The following NCK1 variants were observed in gnomAD, a reference collection of about 807,000 sequenced individuals.
The protein encoded by NCK1 is SH2/SH3 adapter protein NCK1.
NCK1 carries 19 observed loss-of-function variants against 36.6 expected under a neutral mutation model. That is an observed-to-expected ratio of 0.52 (90% CI 0.36 to 0.76). The LOEUF (loss-of-function observed/expected upper bound fraction) is 0.76, where lower values mean the gene tolerates loss of function less well. NCK1 is among the 30% of genes least tolerant of loss of function. The probability of loss-of-function intolerance (pLI) is 0.00; values close to 1 mark genes in which losing one functional copy is unlikely to be tolerated. For synonymous variants in NCK1, 165 were observed against 156.0 expected, an observed-to-expected ratio of 1.06 and a Z score of -0.43; for missense variants, 358 against 445.6, an observed-to-expected ratio of 0.80 and a Z score of 1.77.
intron 2 of NCK1, among the ~76,000 whole-genome samples, chr3:136,931,929 G>C (rs557824140): frequency 7.9e-4 from 121 of 152,202 alleles, no homozygotes; most frequent in African/African-American, 2.9e-3. Context: ...AGACCAGCCT[G>C]GTCAACATGG....
chr3:136,917,305 G>A (rs2108118056), intron 1 of NCK1, among the ~76,000 whole-genome samples: 1 of 148,468 alleles, frequency 6.7e-6, no homozygotes, highest in South Asian at 2.1e-4. Context: ...TCTTCTTCCA[G>A]TATGATCCAG....
intron 1 of NCK1, among the ~76,000 whole-genome samples, chr3:136,881,540 G>A (rs545244482): frequency 6.6e-6 from 1 of 152,154 alleles, no homozygotes; most frequent in South Asian, 2.1e-4. Context: ...GTGGTAAACT[G>A]CATAAGCATA....
chr3:136,931,231 T>G (rs971317698), intron 2 of NCK1, among the ~76,000 whole-genome samples: 1 of 152,156 alleles, frequency 6.6e-6, no homozygotes, highest in African/African-American at 2.4e-5. Flanking sequence ...TAATAATAAT[T>G]TATAAGAGCC....
intron 1 of NCK1, among the ~76,000 whole-genome samples, chr3:136,872,330 C>T (rs986672867): frequency 6.6e-6 from 1 of 152,122 alleles, no homozygotes; most frequent in Admixed American, 6.5e-5. Flanking sequence ...ACATTTTGCC[C>T]CTGCCCTAGA....
intron 2 of NCK1, among the ~76,000 whole-genome samples, chr3:136,941,096 T>C (rs1244989451): frequency 6.7e-6 from 1 of 150,142 alleles, no homozygotes; most frequent in Admixed American, 6.7e-5. Context: ...TATTACTGTC[T>C]TCTTTTGTGA....
chr3:136,870,633 G>A (rs1349951388), intron 1 of NCK1, among the ~76,000 whole-genome samples: 1 of 147,798 alleles, frequency 6.8e-6, no homozygotes, highest in Non-Finnish European at 1.5e-5. Context: ...TAATTCTGCT[G>A]CCCAAGGAAA....
Position 136,865,937 on chromosome 3 carries a change from A to C in NCK1, c.-19+3584A>C, listed in dbSNP as rs561151662. 6.6e-5 allele frequency among the ~76,000 whole-genome samples: 10 copies of C among 152,322 alleles called. No homozygotes were observed. In the South Asian group the frequency reaches 2.1e-3, roughly 32 times the overall value. Reference sequence around the variant, plus strand: ...TGGTTTTATCTCTATGCGTGTAACAATATTGGCTGATTTTTGCCAGCCATT... The same window carrying C: ...TGGTTTTATCTCTATGCGTGTAACACTATTGGCTGATTTTTGCCAGCCATT... On this transcript the variant is annotated intron_variant, in intron 1 of 3. Transcript: ENST00000481752.
rs1940973715 is a variant in NCK1, at chr3:136,951,589, C to G, written c.*3136C>G. On this transcript the variant is annotated 3_prime_UTR_variant, in exon 4 of 4. Transcript: ENST00000481752. The stretch of plus-strand genomic sequence containing the variant: ...AATTCAAACAGTATAATAAAGTCTT[C>G]TTTCAAGTCAAAATATAGAGACGAA... Among the ~76,000 whole-genome samples the G allele has an allele frequency of 6.6e-6, 1 of 152,138 alleles. No individual in the cohort carries two copies. The highest frequency in any genetic ancestry group is 1.5e-5 in the Non-Finnish European group (1 of 68,024).
At chr3:136,923,586 A>ATAAATAAATAAG (rs1352842313) in intron 1 of NCK1, among the ~76,000 whole-genome samples, 1 of 151,860 alleles carries the variant, frequency 6.6e-6, no homozygotes, top group Non-Finnish European at 1.5e-5. Context: ...AAATAAATAA[A>ATAAATAAATAAG]TAAATAAATG....
chr3:136,897,232 G>T lies in NCK1; in HGVS notation c.-18-30752G>T, dbSNP rs59381434. The stretch of plus-strand genomic sequence containing the variant: ...GCCTCCCAAGTAGCTGGGATTACAG[G>T]TATGTGCCACCATGCTCGGCTAATT... On this transcript the variant is annotated intron_variant, in intron 1 of 3. Transcript: ENST00000481752. Among the ~76,000 whole-genome samples the T allele has an allele frequency of 4.5e-3, 682 of 152,200 alleles. 7 individuals carry two copies. The highest frequency in any genetic ancestry group is 0.016 in the African/African-American group (667 of 41,526).
intron 2 of NCK1, among the ~76,000 whole-genome samples, chr3:136,941,713 C>A (rs1340159243): frequency 2.0e-5 from 3 of 150,926 alleles, no homozygotes; most frequent in African/African-American, 4.9e-5. Flanking sequence ...GGAGAATTTA[C>A]AAAAAAAAAC....
At chr3:136,936,290 C>T (rs985257369) in intron 2 of NCK1, among the ~76,000 whole-genome samples, 30 of 152,158 alleles carry the variant, frequency 2.0e-4, no homozygotes, top group African/African-American at 7.0e-4. Context: ...ATCTGCCCGC[C>T]TCGGCCTCCC....
At chr3:136,924,822 C>G (rs1576980884) in intron 1 of NCK1, among the ~76,000 whole-genome samples, 1 of 152,136 alleles carries the variant, frequency 6.6e-6, no homozygotes, top group Non-Finnish European at 1.5e-5. Context: ...TTATATCATG[C>G]TCAAGGTCGT....
At position 136,948,346 on chromosome 3, in the gene NCK1, C is replaced by G; in HGVS notation, c.1027C>G (p.Gln343Glu). The stretch of plus-strand genomic sequence containing the variant: ...AAAAGAGACTGTCTACTGCATTGGG[C>G]AGCGTAAATTCAGCACCATGGAAGA... The part of the protein sequence containing the change: ...QLKETVYCIG[Q>E]RKFSTMEELV... The change falls in exon 4 of 4, where the codon CAG becomes GAG. Residue 343 changes from glutamine to glutamate, a missense_variant. This residue lies in a region of NCK1 where 207 missense variants were observed against 253.4 expected (regional missense o/e 0.82). Transcript: ENST00000481752. 3.1e-6 allele frequency: 5 copies of G among 1,613,158 alleles called. No homozygotes were observed. The highest frequency in any genetic ancestry group is 4.2e-6 in the Non-Finnish European group (5 of 1,179,352).
intron 1 of NCK1, among the ~76,000 whole-genome samples, chr3:136,921,242 A>C (rs980562651): frequency 1.3e-5 from 2 of 152,254 alleles, no homozygotes; most frequent in Non-Finnish European, 2.9e-5. Context: ...ACTACCAGTC[A>C]TGTATGAGAG....
intron 1 of NCK1, among the ~76,000 whole-genome samples, chr3:136,890,209 A>T (rs1335606550): frequency 6.6e-6 from 1 of 151,950 alleles, no homozygotes; most frequent in Non-Finnish European, 1.5e-5. Context: ...TTGCTGGGGG[A>T]CCCAGTACAC....
intron 1 of NCK1, chr3:136,899,754 A>C: frequency 1.7e-6 from 2 of 1,175,776 alleles, no homozygotes; most frequent in African/African-American, 3.0e-5. Context: ...ATGTTTTTCA[A>C]CTCTTTTATC....
chr3:136,933,827 C>T (rs1056729690), intron 2 of NCK1, among the ~76,000 whole-genome samples: 8 of 152,296 alleles, frequency 5.3e-5, no homozygotes, highest in Non-Finnish European at 8.8e-5. Flanking sequence ...CCCTCAGCCT[C>T]CCAAGCAGCT....
At chr3:136,944,808 A>C (rs1252320154) in intron 2 of NCK1, among the ~76,000 whole-genome samples, 1 of 152,230 alleles carries the variant, frequency 6.6e-6, no homozygotes, top group South Asian at 2.1e-4. Context: ...AGAAATGGGC[A>C]GCAGTGAAAA....
Sources: allele counts gnomAD v4.1 joint callset (sites outside exome capture counted in the v4.1 genomes callset), GRCh38; gene constraint gnomAD v4.1.1; regional missense constraint gnomAD v4.1.1; transcripts MANE v1.5; gene names NCBI Gene and HGNC (gene_info 2026-07-23, HGNC 2026-07-21).